The following IRAK1BP1 variants were observed in gnomAD, a reference collection of about 807,000 sequenced individuals.
IRAK1BP1 encodes the protein interleukin-1 receptor-associated kinase 1-binding protein 1.
In IRAK1BP1, 24 loss-of-function variants were observed where a neutral mutation model predicts 28.0. The observed-to-expected ratio is 0.86, with a 90% CI of 0.62 to 1.20. IRAK1BP1 has a LOEUF of 1.20. IRAK1BP1 is among the 50% of genes most tolerant of loss of function. The pLI, the probability that IRAK1BP1 is intolerant of heterozygous loss-of-function variation, is 0.00. For missense variants in IRAK1BP1, 336 were observed against 316.7 expected (o/e 1.06, Z -0.46); for synonymous variants, 131 against 116.3 (o/e 1.13, Z -0.81).
At chr6:78,930,853 C>T (rs896134392) in intron 4 of IRAK1BP1, among the ~76,000 whole-genome samples, 1 of 152,064 alleles carries the variant, frequency 6.6e-6, no homozygotes, top group African/African-American at 2.4e-5. Context: ...ATCACTTGAA[C>T]CCGGTAGGTG....
the IRAK1BP1 span, among the ~76,000 whole-genome samples, chr6:78,966,762 C>G: frequency 6.6e-6 from 1 of 152,188 alleles, no homozygotes; most frequent in East Asian, 1.9e-4. Flanking sequence ...CCTTCTGTGT[C>G]ATAAGAAAAC....
chr6:78,906,048 T>C (rs1772253450), downstream of IRAK1BP1, among the ~76,000 whole-genome samples: 1 of 152,150 alleles, frequency 6.6e-6, no homozygotes, highest in African/African-American at 2.4e-5. Flanking sequence ...GTTGTAATGC[T>C]ACACTTCCAA....
the IRAK1BP1 span, among the ~76,000 whole-genome samples, chr6:78,960,743 C>G: frequency 1.1e-4 from 17 of 152,024 alleles, no homozygotes; most frequent in African/African-American, 3.4e-4. Context: ...TTGGTTTTCA[C>G]AACTAGGGGG....
rs1274320197 is a variant in IRAK1BP1, at chr6:78,893,312, GTGTATATATATATA to G, written c.382-4515_382-4502del. 2.8e-3 allele frequency among the ~76,000 whole-genome samples: 178 copies of G among 64,184 alleles called. 1 individual carries two copies. Among genetic ancestry groups the G allele is most frequent in the African/African-American group, 7.1e-3 (142 of 20,008 alleles). 42.1% of individuals were successfully genotyped at this position (64,184 alleles called of 152,430 possible). ...TATATATGTGTGTGTGTGTGTGTGT[GTGTATATATATATA>G]TATATATATATATATATATATATCA... On this transcript the variant is annotated intron_variant, in intron 2 of 3. Coordinates refer to ENST00000369940, the MANE Select transcript of IRAK1BP1 (RefSeq NM_001010844.4).
At chr6:78,950,589 A>G (rs772484735), downstream of IRAK1BP1, among the ~76,000 whole-genome samples, 4 of 152,110 alleles carry the variant, frequency 2.6e-5, no homozygotes, top group Non-Finnish European at 5.9e-5. Context: ...ATATCGGTCT[A>G]TTTCATGTAA....
chr6:78,878,223 C>A (rs1389103097), intron 1 of IRAK1BP1, among the ~76,000 whole-genome samples: 1 of 152,182 alleles, frequency 6.6e-6, no homozygotes, highest in Non-Finnish European at 1.5e-5. Flanking sequence ...CCCGAGTAGC[C>A]TAACTGGGAG....
chr6:78,886,315 T>C (rs1196241635), intron 2 of IRAK1BP1, among the ~76,000 whole-genome samples: 1 of 152,300 alleles, frequency 6.6e-6, no homozygotes. Flanking sequence ...TTCTTATCTC[T>C]TGAGAAGCAA....
chr6:78,930,707 G>A lies in IRAK1BP1; in HGVS notation c.*68-14701G>A, dbSNP rs181053994. Among the ~76,000 whole-genome samples, 282 of 152,144 alleles carry A rather than the reference G, an allele frequency of 1.9e-3. 1 individual carries two copies. The highest frequency in any genetic ancestry group is 2.9e-3 in the Non-Finnish European group (198 of 68,000). ...CACACTTTGAGAGGCCGAGGCGGGC[G>A]GATCACCTGAGGTCAGGAGTTTGAG... On this transcript the variant is annotated intron_variant and NMD_transcript_variant, in intron 4 of 4. Coordinates refer to the IRAK1BP1 transcript ENST00000606868.
the IRAK1BP1 span, among the ~76,000 whole-genome samples, chr6:78,963,760 T>TA: frequency 6.6e-6 from 1 of 152,220 alleles, no homozygotes; most frequent in Non-Finnish European, 1.5e-5. Flanking sequence ...CTTGAATCTT[T>TA]AACAGTTTTA....
intron 2 of IRAK1BP1, among the ~76,000 whole-genome samples, chr6:78,893,312 G>A (rs370970377): frequency 0.063 from 3,920 of 62,554 alleles, 95 homozygotes; most frequent in African/African-American, 0.085. Context: ...GTGTGTGTGT[G>A]TGTATATATA....
At chr6:78,918,143 C>A (rs932410051) in intron 4 of IRAK1BP1, among the ~76,000 whole-genome samples, 1 of 151,954 alleles carries the variant, frequency 6.6e-6, no homozygotes, top group African/African-American at 2.4e-5. Flanking sequence ...ATAAAAAATA[C>A]AAAATTAGCT....
intron 1 of IRAK1BP1, among the ~76,000 whole-genome samples, chr6:78,869,552 C>A (rs1469863412): frequency 6.6e-6 from 1 of 152,088 alleles, no homozygotes; most frequent in African/African-American, 2.4e-5. Flanking sequence ...CTAAGTCCAA[C>A]TTAGAGTAAT....
downstream of IRAK1BP1, chr6:78,947,716 C>G: frequency 1.3e-6 from 2 of 1,596,620 alleles, no homozygotes; most frequent in Non-Finnish European, 1.7e-6. Flanking sequence ...AATTCCCAGC[C>G]TCTAAAGTTT....
intron 1 of IRAK1BP1, among the ~76,000 whole-genome samples, chr6:78,873,967 G>A (rs1025051977): frequency 6.6e-6 from 1 of 152,114 alleles, no homozygotes; most frequent in Non-Finnish European, 1.5e-5. Flanking sequence ...CTTGCTTTAC[G>A]TAATTGAAAG....
intron 1 of IRAK1BP1, among the ~76,000 whole-genome samples, chr6:78,879,205 TGGGGGTA>T (rs933531303): frequency 2.6e-5 from 4 of 150,990 alleles, no homozygotes; most frequent in African/African-American, 9.7e-5. Context: ...TGTCTTGGGG[TGGGGGTA>T]GGGGGTAGGG....
At chr6:78,936,001 GA>G (rs1421082627) in intron 4 of IRAK1BP1, 1 of 152,254 alleles carries the variant, frequency 6.6e-6, no homozygotes, top group Non-Finnish European at 1.5e-5. Flanking sequence ...AACTAACATA[GA>G]AAGTGTCCAC....
At chr6:78,964,803 T>A in the IRAK1BP1 span, among the ~76,000 whole-genome samples, 4 of 152,214 alleles carry the variant, frequency 2.6e-5, no homozygotes, top group Admixed American at 2.0e-4. Context: ...TAATATATTA[T>A]TTTTTAAAAA....
chr6:78,881,597 A>C lies in IRAK1BP1; in HGVS notation c.316-3781A>C, dbSNP rs372809132. ...ATTTATTCTCTTGACAAATGAACCC[A>C]GTTCTTACAAATGAGTGACATAACT... is the stretch of plus-strand genomic sequence containing the variant. On this transcript the variant is annotated intron_variant, in intron 1 of 3. Coordinates refer to ENST00000369940, the MANE Select transcript of IRAK1BP1 (RefSeq NM_001010844.4). Among the ~76,000 whole-genome samples the C allele has an allele frequency of 5.9e-5, 9 of 152,270 alleles. No homozygotes were observed. The East Asian group carries it at 9.6e-4, about 16-fold the overall frequency.
the IRAK1BP1 span, chr6:78,963,081 G>T: frequency 2.6e-6 from 4 of 1,558,976 alleles, no homozygotes; most frequent in Non-Finnish European, 3.5e-6. Flanking sequence ...CTATACTCGC[G>T]TGTTGCTTTA....
Sources: gnomAD v4.1 joint callset for allele counts (sites outside exome capture counted in the v4.1 genomes callset) on GRCh38, gnomAD v4.1.1 for gene constraint, MANE v1.5 for transcripts, NCBI Gene and HGNC (gene_info 2026-07-23, HGNC 2026-07-21) for gene names.